Variants in FAM163A observed in about 807,000 individuals in gnomAD.
FAM163A encodes protein FAM163A.
Under a neutral mutation model 12.0 loss-of-function variants are expected in FAM163A, and 7 were observed. That is an observed-to-expected ratio of 0.58 (90% CI 0.33 to 1.10). FAM163A has a LOEUF of 1.10. Among genes scored for constraint, FAM163A ranks in the 50% least tolerant of loss-of-function variants. FAM163A has a pLI of 0.03. For synonymous variants in FAM163A, 101 were observed against 91.0 expected, an observed-to-expected ratio of 1.11 and a Z score of -0.62; for missense variants, 202 against 218.6, an observed-to-expected ratio of 0.92 and a Z score of 0.48.
chr1:179,741,651 A>T (rs963000770), upstream of FAM163A, among the ~76,000 whole-genome samples: 1 of 152,234 alleles, frequency 6.6e-6, no homozygotes, highest in Non-Finnish European at 1.5e-5. Context: ...CTTACAACCA[A>T]ATGGAAGAAG....
chr1:179,810,385 C>G (rs1278851552), intron 2 of FAM163A, among the ~76,000 whole-genome samples: 1 of 152,186 alleles, frequency 6.6e-6, no homozygotes, highest in African/African-American at 2.4e-5. Flanking sequence ...AAAGCCCCGT[C>G]AGGAAACCCC....
In FAM163A at chr1:179,813,763, C is replaced by G. The variant is rs1187144148; in HGVS notation, c.94-16C>G. On this transcript the variant is annotated splice_polypyrimidine_tract_variant and intron_variant, in intron 4 of 4. Coordinates refer to ENST00000341785, the MANE Select transcript of FAM163A (RefSeq NM_173509.3). ...AGCATTCACCCTCTCAGGCATCCCT[C>G]TGCCCTTCCGCACAGTATTACTGCT... 1 of 1,613,624 alleles carries G rather than the reference C, an allele frequency of 6.2e-7. No homozygotes were observed. The highest frequency in any genetic ancestry group is 8.5e-7 in the Non-Finnish European group (1 of 1,179,962).
chr1:179,767,776 C>T (rs1687707391), intron 1 of FAM163A, among the ~76,000 whole-genome samples: 1 of 152,098 alleles, frequency 6.6e-6, no homozygotes, highest in South Asian at 2.1e-4. Flanking sequence ...TAACAGCATC[C>T]CAGAATTTTA....
chr1:179,752,498 A>G (rs1330195015), intron 1 of FAM163A, among the ~76,000 whole-genome samples: 1 of 151,532 alleles, frequency 6.6e-6, no homozygotes, highest in African/African-American at 2.4e-5. Flanking sequence ...AAAAAAATCA[A>G]TAGAGTGAAA....
At chr1:179,791,132 T>C (rs1462923807) in intron 1 of FAM163A, among the ~76,000 whole-genome samples, 1 of 152,092 alleles carries the variant, frequency 6.6e-6, no homozygotes, top group Non-Finnish European at 1.5e-5. Flanking sequence ...TAATCTCAGA[T>C]AATATATTAT....
chr1:179,773,853 A>T (rs1371026859), intron 1 of FAM163A, among the ~76,000 whole-genome samples: 1 of 152,220 alleles, frequency 6.6e-6, no homozygotes, highest in African/African-American at 2.4e-5. Flanking sequence ...TTACCTTCAG[A>T]AGCCTCCGTT....
chr1:179,735,658 C>A, the FAM163A span, among the ~76,000 whole-genome samples: 456 of 152,044 alleles, frequency 3.0e-3, 5 homozygotes, highest in African/African-American at 0.01. Flanking sequence ...CGCCCGCCAC[C>A]AAGCCCGGCT....
At chr1:179,770,578 C>G (rs1415020558) in intron 1 of FAM163A, among the ~76,000 whole-genome samples, 1 of 152,232 alleles carries the variant, frequency 6.6e-6, no homozygotes, top group South Asian at 2.1e-4. Context: ...TCCCTGTGCC[C>G]CAGCCACCCT....
intron 1 of FAM163A, among the ~76,000 whole-genome samples, chr1:179,770,740 A>G (rs983560777): frequency 1.3e-4 from 20 of 152,014 alleles, no homozygotes; most frequent in African/African-American, 4.4e-4. Context: ...GCTTCCTCCA[A>G]GAAGCATCCC....
intron 1 of FAM163A, among the ~76,000 whole-genome samples, chr1:179,754,061 A>G (rs1397435475): frequency 1.3e-5 from 2 of 152,198 alleles, no homozygotes; most frequent in Non-Finnish European, 2.9e-5. Flanking sequence ...GGCGGGTGAT[A>G]CCTCAGAAGC....
the FAM163A span, among the ~76,000 whole-genome samples, chr1:179,732,950 A>C: frequency 6.8e-6 from 1 of 146,750 alleles, no homozygotes; most frequent in African/African-American, 2.5e-5. Context: ...GCGGTTCTGG[A>C]GATGAGGGCA....
At chr1:179,765,506 C>T (rs1298484321) in intron 1 of FAM163A, among the ~76,000 whole-genome samples, 1 of 152,034 alleles carries the variant, frequency 6.6e-6, no homozygotes, top group Non-Finnish European at 1.5e-5. Flanking sequence ...AGAATTAGTG[C>T]TGGGGACAGG....
chr1:179,738,887 T>A (rs1008522980), upstream of FAM163A, among the ~76,000 whole-genome samples: 1 of 152,160 alleles, frequency 6.6e-6, no homozygotes, highest in African/African-American at 2.4e-5. Context: ...AGGAATAAAG[T>A]GGGCAGAATC....
At chr1:179,770,651 T>C (rs1688154474) in intron 1 of FAM163A, among the ~76,000 whole-genome samples, 1 of 152,104 alleles carries the variant, frequency 6.6e-6, no homozygotes, top group African/African-American at 2.4e-5. Context: ...TTGAACATGC[T>C]GCCCCCTCTG....
rs117723555 is a variant in FAM163A, at chr1:179,776,765, A to G, written c.-135-31033A>G. Among the ~76,000 whole-genome samples the G allele has an allele frequency of 1.1e-4, 16 of 152,366 alleles. 1 individual carries two copies. In the East Asian group the frequency reaches 3.1e-3, roughly 29 times the overall value. ...TAATGTATCGAAGTGAAATTCATAT[A>G]TCATAAAAGCACCATTTCAAAGTGT... is the stretch of plus-strand genomic sequence containing the variant. On this transcript the variant is annotated intron_variant, in intron 1 of 4. Transcript: ENST00000341785.
chr1:179,757,829 C>CAAAAA (rs1686247143), intron 1 of FAM163A, among the ~76,000 whole-genome samples: 1 of 146,502 alleles, frequency 6.8e-6, no homozygotes, highest in African/African-American at 2.7e-5. Context: ...CAAAACAAAA[C>CAAAAA]GAAAAACAGT....
At chr1:179,796,263 C>T (rs558394163) in intron 1 of FAM163A, among the ~76,000 whole-genome samples, 10 of 152,046 alleles carry the variant, frequency 6.6e-5, no homozygotes, top group African/African-American at 2.4e-4. Flanking sequence ...CTGATACTTC[C>T]AACTGAATTC....
chr1:179,734,555 C>T, the FAM163A span, among the ~76,000 whole-genome samples: 1 of 152,188 alleles, frequency 6.6e-6, no homozygotes, highest in Non-Finnish European at 1.5e-5. Context: ...TGGAGGCCCA[C>T]TTCCTGATTC....
At chr1:179,746,760 A>AC (rs1684520198) in intron 1 of FAM163A, among the ~76,000 whole-genome samples, 1 of 152,094 alleles carries the variant, frequency 6.6e-6, no homozygotes, top group South Asian at 2.1e-4. Context: ...GGGGTGACGT[A>AC]CCCCACCCCC....
Sources: allele counts gnomAD v4.1 joint callset (sites outside exome capture counted in the v4.1 genomes callset), GRCh38; gene constraint gnomAD v4.1.1; transcripts MANE v1.5; gene names NCBI Gene and HGNC (gene_info 2026-07-23, HGNC 2026-07-21).